Variants in LRP1B observed in about 807,000 individuals in gnomAD.
LRP1B encodes low-density lipoprotein receptor-related protein 1B.
Under a neutral mutation model 556.6 loss-of-function variants are expected in LRP1B, and 217 were observed. The ratio of observed to expected loss-of-function variants is 0.39; its 90% CI spans 0.35 to 0.44. The LOEUF (loss-of-function observed/expected upper bound fraction) is 0.44. LRP1B is among the 20% of genes least tolerant of loss of function. The pLI, the probability that LRP1B is intolerant of heterozygous loss-of-function variation, is 1.00. For synonymous variants in LRP1B, 2,047 were observed against 1,865.8 expected (o/e 1.10, Z -2.50); for missense variants, 5,053 against 5,620.8 (o/e 0.90, Z 3.23).
chr2:140,994,234 C>T (rs2105359559), intron 15 of LRP1B, 99 bp from the exon 16 acceptor site: 1 of 990,538 alleles, frequency 1.0e-6, no homozygotes, highest in Non-Finnish European at 1.5e-6. Context: ...TTAGATTCTA[C>T]ATATCAGTGG....
chr2:140,829,234 A>T (rs1425589513), intron 31 of LRP1B, among the ~76,000 whole-genome samples: 2 of 152,170 alleles, frequency 1.3e-5, no homozygotes, highest in Admixed American at 1.3e-4. Flanking sequence ...TTGAGATGGA[A>T]AATCAACCAA....
At chr2:141,047,279 T>C (rs1291209257) in intron 11 of LRP1B, among the ~76,000 whole-genome samples, 1 of 152,102 alleles carries the variant, frequency 6.6e-6, no homozygotes, top group Admixed American at 6.6e-5. Flanking sequence ...TTTGGAATTT[T>C]AAATTATGCA....
chr2:140,580,341 G>C (rs1357439453), intron 43 of LRP1B, among the ~76,000 whole-genome samples: 1 of 152,094 alleles, frequency 6.6e-6, no homozygotes, highest in East Asian at 1.9e-4. Flanking sequence ...TCCCCAGGTA[G>C]ATACAAAGAA....
At chr2:141,475,961 T>G (rs1348020583) in intron 3 of LRP1B, among the ~76,000 whole-genome samples, 26 of 152,148 alleles carry the variant, frequency 1.7e-4, no homozygotes, top group Admixed American at 1.7e-3. Context: ...ACCTGGGTAC[T>G]AAGAGGGCAC....
In LRP1B at chr2:140,849,675, G is replaced by A. The variant is rs536429396; in HGVS notation, c.4939+427C>T. ...CTGCCTCAGTCTCCCAAGTAGCTGG[G>A]ATTACATGTGTGCACCACCACATTT... is the stretch of plus-strand genomic sequence containing the variant. On this transcript the variant is annotated intron_variant, in intron 29 of 90. Transcript: ENST00000389484. 2.5e-4 allele frequency among the ~76,000 whole-genome samples: 38 copies of A among 152,116 alleles called. No individual in the cohort carries two copies. The East Asian group carries it at 7.4e-3, about 30-fold the overall frequency.
At chr2:140,316,742 A>T (rs771741389) in intron 82 of LRP1B, among the ~76,000 whole-genome samples, 30 of 152,260 alleles carry the variant, frequency 2.0e-4, no homozygotes, top group East Asian at 9.7e-4. Context: ...TGGGAAAAAA[A>T]ATATAAAATA....
At chr2:141,860,704 T>C (rs78558903) in intron 1 of LRP1B, among the ~76,000 whole-genome samples, 3,040 of 152,262 alleles carry the variant, frequency 0.02, 141 homozygotes, top group Admixed American at 0.11. Context: ...AATGAAACAC[T>C]AAGGGAAATG....
chr2:140,318,702 T>TCTC (rs1684640525), intron 82 of LRP1B, among the ~76,000 whole-genome samples: 1 of 152,050 alleles, frequency 6.6e-6, no homozygotes, highest in Non-Finnish European at 1.5e-5. Flanking sequence ...CTGGGATGTA[T>TCTC]TGTGTGACGA....
chr2:141,639,505 A>G (rs1201651964), intron 2 of LRP1B, among the ~76,000 whole-genome samples: 2 of 149,184 alleles, frequency 1.3e-5, no homozygotes, highest in Non-Finnish European at 3.0e-5. Flanking sequence ...CAACCTCTGT[A>G]TAGCCATATT....
At chr2:140,854,102 AAG>A (rs1183477001) in intron 27 of LRP1B, among the ~76,000 whole-genome samples, 3 of 151,776 alleles carry the variant, frequency 2.0e-5, no homozygotes, top group African/African-American at 7.3e-5. Flanking sequence ...GAAAAGAAAA[AAG>A]AGAGGAGTAA....
intron 1 of LRP1B, among the ~76,000 whole-genome samples, chr2:142,082,211 T>C (rs1172551600): frequency 6.6e-6 from 1 of 152,168 alleles, no homozygotes; most frequent in Non-Finnish European, 1.5e-5. Context: ...ATTTCTCTAC[T>C]ACATCAAGAA....
chr2:140,877,855 C>A (rs996738884), intron 25 of LRP1B, among the ~76,000 whole-genome samples: 1 of 152,132 alleles, frequency 6.6e-6, no homozygotes, highest in Non-Finnish European at 1.5e-5. Flanking sequence ...TCATCAGGAC[C>A]TCCTGAAGCT....
At chr2:140,468,316 G>T (rs1687630417) in intron 60 of LRP1B, among the ~76,000 whole-genome samples, 1 of 152,204 alleles carries the variant, frequency 6.6e-6, no homozygotes, top group Non-Finnish European at 1.5e-5. Context: ...CATGCAGCAA[G>T]GGCCTGGCTG....
intron 31 of LRP1B, among the ~76,000 whole-genome samples, chr2:140,826,868 T>C (rs1296075157): frequency 6.6e-6 from 1 of 151,950 alleles, no homozygotes; most frequent in Admixed American, 6.6e-5. Context: ...CTGTTCTTTA[T>C]CTCAGCCAAG....
At chr2:140,950,424 AG>A (rs1695679000) in intron 19 of LRP1B, 22 bp from the exon 20 acceptor site, 1 of 1,571,936 alleles carries the variant, frequency 6.4e-7, no homozygotes, top group African/African-American at 1.4e-5. Context: ...CATCAACATG[AG>A]GCAGTGAAAT....
At chr2:141,320,630 A>T (rs935802788) in intron 3 of LRP1B, among the ~76,000 whole-genome samples, 1 of 152,100 alleles carries the variant, frequency 6.6e-6, no homozygotes, top group African/African-American at 2.4e-5. Flanking sequence ...AAGAAATTGT[A>T]TGTCGGCAGT....
intron 46 of LRP1B, among the ~76,000 whole-genome samples, chr2:140,536,124 C>G (rs1438673490): frequency 1.3e-5 from 2 of 151,414 alleles, no homozygotes; most frequent in Non-Finnish European, 2.9e-5. Context: ...GTCGGGGGTT[C>G]AAAAGATTAG....
intron 56 of LRP1B, among the ~76,000 whole-genome samples, chr2:140,493,639 A>G (rs984064629): frequency 2.0e-5 from 3 of 150,924 alleles, no homozygotes; most frequent in African/African-American, 4.9e-5. Flanking sequence ...TAATGTTGAT[A>G]GAAATTAGAA....
At chr2:141,781,507 G>C (rs1574352784) in intron 2 of LRP1B, among the ~76,000 whole-genome samples, 1 of 152,160 alleles carries the variant, frequency 6.6e-6, no homozygotes, top group African/African-American at 2.4e-5. Flanking sequence ...GAGCACTCTA[G>C]CTGCTAGTGA....
Sources: allele counts gnomAD v4.1 joint callset (sites outside exome capture counted in the v4.1 genomes callset), GRCh38; gene constraint gnomAD v4.1.1; transcripts MANE v1.5; gene names NCBI Gene and HGNC (gene_info 2026-07-23, HGNC 2026-07-21).